Variants in TLCD3B observed in about 807,000 individuals in gnomAD.
TLCD3B encodes TLC domain containing 3B.
TLCD3B carries 9 observed loss-of-function variants against 23.0 expected under a neutral mutation model. The observed-to-expected ratio is 0.39, with a 90% CI of 0.24 to 0.68. The LOEUF is 0.68. Ranked by LOEUF, TLCD3B falls within the 30% of genes least tolerant of loss-of-function variation. The pLI is 0.44. For missense variants in TLCD3B, 307 were observed against 371.8 expected (o/e 0.83, Z 1.43); for synonymous variants, 161 against 161.0 (o/e 1.00, Z 0.00).
At chr16:30,048,847 T>C (rs2071710872) in intron 1 of TLCD3B, among the ~76,000 whole-genome samples, 2 of 152,116 alleles carry the variant, frequency 1.3e-5, no homozygotes, top group Admixed American at 1.3e-4. Flanking sequence ...CTTGGCTCAC[T>C]GCAACCTTCA....
intron 2 of TLCD3B, among the ~76,000 whole-genome samples, chr16:30,042,513 C>T (rs1335112932): frequency 2.0e-5 from 3 of 152,110 alleles, no homozygotes; most frequent in Non-Finnish European, 4.4e-5. Flanking sequence ...CATGAGCCAC[C>T]GTGCCCTGCC....
At position 30,029,228 on chromosome 16, in the gene TLCD3B, C is replaced by T. The variant is rs2071276780; in HGVS notation, c.209+204G>A. On this transcript the variant is annotated intron_variant, in intron 2 of 4. Transcript: ENST00000380495. This position sits in a 1 kb window ranked among gnomAD's most constrained non-coding sequence, Gnocchi z 4.6. ...TCCTCTCTGATCCCCGCTCCTTCTC[C>T]CCCTGGTTCTGACCTTTAAGGACAG... Among the ~76,000 whole-genome samples, 2 of 152,180 alleles carry T rather than the reference C, an allele frequency of 1.3e-5. 1 individual carries two copies. Among genetic ancestry groups the T allele is most frequent in the South Asian group, 4.1e-4 (2 of 4,828 alleles).
At chr16:30,032,197 G>A (rs1296475018), upstream of TLCD3B, among the ~76,000 whole-genome samples, 2 of 152,128 alleles carry the variant, frequency 1.3e-5, no homozygotes, top group Admixed American at 6.6e-5. Context: ...GGAGCTGTGG[G>A]ACCTGAGCCA....
At chr16:30,050,841 A>C (rs1279819573) in intron 1 of TLCD3B, among the ~76,000 whole-genome samples, 1 of 152,178 alleles carries the variant, frequency 6.6e-6, no homozygotes, top group African/African-American at 2.4e-5. Context: ...AACATGGACA[A>C]AAATAGGTAT....
upstream of TLCD3B, among the ~76,000 whole-genome samples, chr16:30,035,999 G>A (rs1217465778): frequency 3.3e-5 from 5 of 152,026 alleles, no homozygotes; most frequent in African/African-American, 9.7e-5. Context: ...CTGACCTCAA[G>A]TGATCTGCCC....
At chr16:30,046,140 A>G (rs1008494681) in intron 2 of TLCD3B, among the ~76,000 whole-genome samples, 4 of 151,896 alleles carry the variant, frequency 2.6e-5, no homozygotes, top group Admixed American at 1.3e-4. Context: ...CAAAACATAG[A>G]GCATTAGGCA....
chr16:30,032,370 C>A (rs2071381496), upstream of TLCD3B, among the ~76,000 whole-genome samples: 1 of 152,172 alleles, frequency 6.6e-6, no homozygotes, highest in Non-Finnish European at 1.5e-5. Flanking sequence ...TCGCCTCCCC[C>A]AAAGAAAGGC....
rs981619362 is a variant in TLCD3B at position 30,051,216 on chromosome 16, G to A, written c.-294+1558C>T. ...TGGAGACTAGCCTGGCCAACATAGTGAGACCCCATGTCTACTTTATTAAAA... is the reference window on the plus strand; with the variant it reads ...TGGAGACTAGCCTGGCCAACATAGTAAGACCCCATGTCTACTTTATTAAAA... On this transcript the variant is annotated intron_variant, in intron 1 of 6. Coordinates refer to the TLCD3B transcript ENST00000561666. 2.6e-4 allele frequency among the ~76,000 whole-genome samples: 39 copies of A among 151,884 alleles called. 1 individual carries two copies. Among genetic ancestry groups the A allele is most frequent in the African/African-American group, 9.2e-4 (38 of 41,342 alleles).
chr16:30,032,351 G>C (rs1020446147), upstream of TLCD3B, among the ~76,000 whole-genome samples: 5 of 152,156 alleles, frequency 3.3e-5, no homozygotes, highest in Non-Finnish European at 5.9e-5. Context: ...CTCTGCCAGA[G>C]CCCACTCCTC....
intron 1 of TLCD3B, among the ~76,000 whole-genome samples, chr16:30,047,135 ATCTGTCTGTCTG>A (rs58041815): frequency 0.022 from 3,257 of 150,582 alleles, 129 homozygotes; most frequent in African/African-American, 0.074. Flanking sequence ...CTGTTGTGTC[ATCTGTCTGTCTG>A]TCTGTCTGTC....
At chr16:30,044,208 G>A (rs187496261) in intron 2 of TLCD3B, among the ~76,000 whole-genome samples, 1 of 151,876 alleles carries the variant, frequency 6.6e-6, no homozygotes, top group Admixed American at 6.6e-5. Flanking sequence ...TGTTGCCCAG[G>A]CTGGTCTCAA....
At chr16:30,049,897 G>A (rs929687448) in intron 1 of TLCD3B, among the ~76,000 whole-genome samples, 1 of 150,844 alleles carries the variant, frequency 6.6e-6, no homozygotes, top group African/African-American at 2.4e-5. Flanking sequence ...GCACTCTAGC[G>A]TGGGCAACAG....
At chr16:30,026,016 G>A (rs981066013) in intron 3 of TLCD3B, among the ~76,000 whole-genome samples, 195 bp from the exon 4 acceptor site, 2 of 151,948 alleles carry the variant, frequency 1.3e-5, no homozygotes, top group Admixed American at 6.6e-5. Flanking sequence ...GGTGGATCAC[G>A]AGGTCAGGAG....
chr16:30,027,167 C>T (rs1026196527), intron 2 of TLCD3B: 2 of 487,148 alleles, frequency 4.1e-6, no homozygotes, highest in East Asian at 6.0e-5. Context: ...AAGCCCAGGA[C>T]AGGCAGGTGG....
chr16:30,026,929 G>T, intron 2 of TLCD3B, 86 bp from the exon 3 acceptor site: 1 of 1,150,746 alleles, frequency 8.7e-7, no homozygotes, highest in Non-Finnish European at 1.3e-6. Flanking sequence ...CAGCACAGCA[G>T]CCCTGGACAG....
At chr16:30,026,574 C>CCCGCACCCCCCCCCCCCCCCCCCCCCGG in intron 3 of TLCD3B, 35 bp downstream of exon 3, 1 of 1,580,966 alleles carries the variant, frequency 6.3e-7, no homozygotes, top group Non-Finnish European at 8.6e-7. Flanking sequence ...GAGCAGGCCA[C>CCCGCACCCCCCCCCCCCCCCCCCCCCGG]CCGCACCCCG....
chr16:30,044,010 CTT>C (rs34857578), intron 2 of TLCD3B, among the ~76,000 whole-genome samples: 68 of 138,916 alleles, frequency 4.9e-4, no homozygotes, highest in Admixed American at 5.1e-4. Flanking sequence ...TAACCATGTC[CTT>C]TTTTTTTTTT....
intron 3 of TLCD3B, among the ~76,000 whole-genome samples, chr16:30,037,080 C>CA (rs1266972161): frequency 6.9e-6 from 1 of 144,174 alleles, no homozygotes; most frequent in Non-Finnish European, 1.5e-5. Flanking sequence ...GACTCTGTCT[C>CA]AAAAAATAAA....
intron 3 of TLCD3B, among the ~76,000 whole-genome samples, chr16:30,039,854 C>A (rs2071544969): frequency 6.6e-6 from 1 of 151,744 alleles, no homozygotes; most frequent in African/African-American, 2.4e-5. Context: ...CCAAGAGCGG[C>A]CAGGCATGGT....
Sources: gnomAD v4.1 joint callset for allele counts (sites outside exome capture counted in the v4.1 genomes callset) on GRCh38, gnomAD v4.1.1 for gene constraint, Gnocchi (gnomAD v3.1) non-coding constraint, MANE v1.5 for transcripts, NCBI Gene and HGNC (gene_info 2026-07-23, HGNC 2026-07-21) for gene names.